ZNF608: variants seen among roughly 807,000 people sequenced by gnomAD.
The protein encoded by ZNF608 is zinc finger protein 608.
In ZNF608, 12 loss-of-function variants were observed where a neutral mutation model predicts 109.0. The ratio of observed to expected loss-of-function variants is 0.11; its 90% confidence interval spans 0.07 to 0.18. The LOEUF (loss-of-function observed/expected upper bound fraction) is 0.18, where lower values mean the gene tolerates loss of function less well. ZNF608 is among the 10% of genes least tolerant of loss of function. The probability of loss-of-function intolerance (pLI) is 1.00; values close to 1 mark genes in which losing one functional copy is unlikely to be tolerated. For synonymous variants in ZNF608, 732 were observed against 717.4 expected (o/e 1.02, Z -0.33); for missense variants, 1,707 against 1,879.3 (o/e 0.91, Z 1.70).
Position 124,647,684 on chromosome 5 carries a change from G to A in ZNF608, c.2700C>T (p.Ser900=), listed in dbSNP as rs772019605. The change falls in exon 5 of 10, where the codon AGC becomes AGT. Residue 900 remains serine (S), a synonymous_variant. Coordinates refer to ENST00000513986, the MANE Select transcript of ZNF608 (RefSeq NM_020747.3). The part of the protein sequence containing the change: ...TDNAPSPSIG[S]ASRLECSTLV... ...AAGTGCTGCATTCCAGCCTCGAGGC[G>A]CTCCCTATGGAAGGGCTGGGAGCGT... 57 of 1,614,040 alleles carry A rather than the reference G, an allele frequency of 3.5e-5. No homozygotes were observed. Among genetic ancestry groups the A allele is most frequent in the African/African-American group, 1.2e-4 (9 of 74,898 alleles).
At chr5:124,745,292 G>A in intron 1 of ZNF608, 120 bp from the exon 2 acceptor site, 1 of 864,158 alleles carries the variant, frequency 1.2e-6, no homozygotes, top group Non-Finnish European at 1.5e-6. Context: ...GGTGGCTCAT[G>A]TATTGTCCTC....
chr5:124,701,121 A>G lies in ZNF608; in HGVS notation c.1055T>C (p.Val352Ala). The G allele has an allele frequency of 6.2e-7, 1 of 1,614,194 alleles. No individual in the cohort carries two copies. Among genetic ancestry groups the G allele is most frequent in the Non-Finnish European group, 8.5e-7 (1 of 1,180,020 alleles). Residue 352 changes from valine (V) to alanine (A), a missense_variant, in exon 3 of 10, where the codon GTC (valine) becomes GCC (alanine). Val to Ala is a moderately conservative substitution (Grantham distance 64, BLOSUM62 0). This residue lies in a region of ZNF608 where 407 missense variants were observed against 398.7 expected (regional missense o/e 1.02). Coordinates refer to ENST00000513986, the MANE Select transcript of ZNF608 (RefSeq NM_020747.3). ...CACTACTCCAACTTCACATGTATTG[A>G]CACCCACAGAACGAGTCCGAACCAA... ...QLLVRTRSVG[V>A]NTCEVGVVTE...
chr5:124,731,874 T>C (rs1310954949), intron 2 of ZNF608, among the ~76,000 whole-genome samples: 1 of 152,030 alleles, frequency 6.6e-6, no homozygotes, highest in African/African-American at 2.4e-5. Context: ...AGAAGTAAAA[T>C]CCAGTCTCTT....
intron 2 of ZNF608, among the ~76,000 whole-genome samples, chr5:124,706,889 T>TCA (rs1415957158): frequency 2.0e-5 from 3 of 152,126 alleles, no homozygotes; most frequent in Non-Finnish European, 4.4e-5. Flanking sequence ...TGGCTATTTA[T>TCA]CACGCGAGAG....
rs768763670 is a variant in ZNF608, at chr5:124,644,503, T to C, written c.3864A>G (p.Leu1288=). 6.2e-7 allele frequency: 1 copy of C among 1,614,190 alleles called. No homozygotes were observed. The highest frequency in any genetic ancestry group is 1.1e-5 in the South Asian group (1 of 91,078). Residue 1288 remains leucine (L), a synonymous_variant, in exon 6 of 10, where the codon TTA becomes TTG. Coordinates refer to ENST00000513986, the MANE Select transcript of ZNF608 (RefSeq NM_020747.3). ...CTTTGGGCTCCTCTTTAATGCTTGT[T>C]AACGATACAGGAAGGCTGGGCACAC... ...ESGVPSLPVS[L]TSIKEEPKEA...
intron 3 of ZNF608, among the ~76,000 whole-genome samples, chr5:124,658,329 C>A (rs116072995): frequency 0.034 from 5,123 of 152,144 alleles, 305 homozygotes; most frequent in African/African-American, 0.12. Context: ...AAGATAGAAT[C>A]AAATAAAAAA....
At chr5:124,652,531 T>C (rs1456677417) in intron 3 of ZNF608, among the ~76,000 whole-genome samples, 1 of 152,142 alleles carries the variant, frequency 6.6e-6, no homozygotes, top group Non-Finnish European at 1.5e-5. Flanking sequence ...ACAATTCACA[T>C]CCGAATATAT....
At chr5:124,708,368 G>T (rs766834920) in intron 2 of ZNF608, among the ~76,000 whole-genome samples, 1 of 152,238 alleles carries the variant, frequency 6.6e-6, no homozygotes, top group Non-Finnish European at 1.5e-5. Flanking sequence ...GTCGGTGGCT[G>T]AGCCAGAATT....
At chr5:124,692,383 G>C (rs1183240409) in intron 3 of ZNF608, among the ~76,000 whole-genome samples, 1 of 152,176 alleles carries the variant, frequency 6.6e-6, no homozygotes, top group Non-Finnish European at 1.5e-5. Context: ...TCTGTGCCAG[G>C]CGCTGGGGAT....
Position 124,745,157 on chromosome 5 carries a change from C to G in ZNF608, c.-168G>C. ...TGTCCAGGGATTTTACACCCTCAGT[C>G]CAGGTCCACCTTTTCCTGTGAAGGG... On this transcript the variant is annotated 5_prime_UTR_variant, in exon 2 of 10. Transcript: ENST00000513986. 1 of 1,420,726 alleles carries G rather than the reference C, an allele frequency of 7.0e-7. No homozygotes were observed. The allele number at this position is 1,420,726 out of a possible 1,614,324, so 88.0% of individuals were successfully genotyped here.
intron 2 of ZNF608, among the ~76,000 whole-genome samples, chr5:124,701,923 T>G (rs1753069281): frequency 6.6e-6 from 1 of 152,292 alleles, no homozygotes; most frequent in Non-Finnish European, 1.5e-5. Context: ...TCAACATAAC[T>G]TGAGTTTTTC....
chr5:124,713,608 C>T (rs1265476970), intron 2 of ZNF608, among the ~76,000 whole-genome samples: 2 of 152,192 alleles, frequency 1.3e-5, no homozygotes, highest in Non-Finnish European at 2.9e-5. Context: ...TTTGTTTTCT[C>T]TCTTGTTATC....
chr5:124,638,958 T>C, intron 9 of ZNF608, 175 bp downstream of exon 9: 1 of 807,710 alleles, frequency 1.2e-6, no homozygotes, highest in Non-Finnish European at 1.9e-6. Context: ...CAGAATGAGG[T>C]TCATGGAATT....
Position 124,746,522 on chromosome 5 carries a change from A to T in ZNF608, c.-511T>A. 4.1e-6 allele frequency: 4 copies of T among 985,368 alleles called. No individual in the cohort carries two copies. Among genetic ancestry groups the T allele is most frequent in the Non-Finnish European group, 4.8e-6 (4 of 829,876 alleles). The allele number at this position is 985,368 out of a possible 1,614,324, so 61.0% of individuals were successfully genotyped here. A position where few individuals can be genotyped will look rare whatever the true frequency, so the allele number is the denominator to read the frequency against. The stretch of plus-strand genomic sequence containing the variant: ...CGAGAATAATAGTTTTTTAAAAAAC[A>T]GAGAGTTTAGAGAAAAAAGTTTTCC... On this transcript the variant is annotated 5_prime_UTR_variant, in exon 1 of 10. Transcript: ENST00000513986.
chr5:124,746,081 G>C, intron 1 of ZNF608, 114 bp downstream of exon 1: 1 of 973,542 alleles, frequency 1.0e-6, no homozygotes, highest in South Asian at 4.8e-5. Flanking sequence ...GTTTGACAAA[G>C]AGCAGTTAAA....
Position 124,660,172 on chromosome 5 carries a change from C to CTGTGTGTGTGTGTG in ZNF608, c.1163-10489_1163-10476dup, listed in dbSNP as rs35200784. On this transcript the variant is annotated intron_variant, in intron 3 of 9. Transcript: ENST00000513986. ...AACAGAAGAACTGCCTCTCTTAACT[C>CTGTGTGTGTGTGTG]TGTGTGTGTGTGTGTGTGTGTGAGA... is the stretch of plus-strand genomic sequence containing the variant. Among the ~76,000 whole-genome samples, 54 of 150,370 alleles carry CTGTGTGTGTGTGTG rather than the reference C, an allele frequency of 3.6e-4. 1 individual carries two copies. The highest frequency in any genetic ancestry group is 1.2e-3 in the African/African-American group (50 of 40,866).
chr5:124,684,264 T>G (rs1435294577), intron 3 of ZNF608, among the ~76,000 whole-genome samples: 2 of 152,210 alleles, frequency 1.3e-5, no homozygotes, highest in African/African-American at 4.8e-5. Flanking sequence ...AAGAACACTC[T>G]AATATCTTAA....
At chr5:124,693,438 T>G (rs1752696897) in intron 3 of ZNF608, among the ~76,000 whole-genome samples, 1 of 152,188 alleles carries the variant, frequency 6.6e-6, no homozygotes, top group Non-Finnish European at 1.5e-5. Context: ...TTACTATAAC[T>G]AAGTCCTAAG....
chr5:124,645,210 A>G (rs1028377137), intron 5 of ZNF608, among the ~76,000 whole-genome samples: 4 of 152,228 alleles, frequency 2.6e-5, no homozygotes, highest in Admixed American at 2.0e-4. Flanking sequence ...GGCTTAATAT[A>G]TTGGCTCACT....
Sources: gnomAD v4.1 joint callset for allele counts (sites outside exome capture counted in the v4.1 genomes callset) on GRCh38, gnomAD v4.1.1 for gene constraint, gnomAD v4.1.1 regional missense constraint, MANE v1.5 for transcripts, NCBI Gene and HGNC (gene_info 2026-07-23, HGNC 2026-07-21) for gene names.